MN1: variants seen among roughly 807,000 people sequenced by gnomAD.
MN1 encodes the protein MN1 proto-oncogene, transcriptional regulator, also known as transcriptional activator MN1.
A neutral mutation model predicts 86.9 loss-of-function variants in MN1; 19 were observed. The ratio of observed to expected loss-of-function variants is 0.22; its 90% CI spans 0.15 to 0.32. The LOEUF (loss-of-function observed/expected upper bound fraction) is 0.32. Ranked by LOEUF, MN1 falls within the 10% of genes least tolerant of loss-of-function variation. The probability of loss-of-function intolerance (pLI) is 1.00; values close to 1 mark genes in which losing one functional copy is unlikely to be tolerated. For missense variants in MN1, 1,841 were observed against 1,862.0 expected (o/e 0.99, Z 0.21); for synonymous variants, 928 against 849.6 (o/e 1.09, Z -1.60).
Position 27,750,762 on chromosome 22 carries a change from A to G in MN1, c.*153T>C. On this transcript the variant is annotated 3_prime_UTR_variant, in exon 2 of 2. Coordinates refer to ENST00000302326, the MANE Select transcript of MN1 (RefSeq NM_002430.3). ...AACCCTTTCCGGTCCATATGCCACT[A>G]AGCAGGTACCAACCTAGAGAAAAAA... The G allele has an allele frequency of 1.7e-6, 1 of 586,958 alleles. No homozygotes were observed. Among genetic ancestry groups the G allele is most frequent in the Admixed American group, 3.9e-5 (1 of 25,960 alleles). The allele number at this position is 586,958 out of a possible 1,614,324, so 36.4% of individuals were successfully genotyped here.
intron 1 of MN1, among the ~76,000 whole-genome samples, chr22:27,779,514 G>C (rs1412750990): frequency 6.6e-6 from 1 of 152,158 alleles, no homozygotes; most frequent in Non-Finnish European, 1.5e-5. Flanking sequence ...CTGTTGGTAG[G>C]AAATACAGCT....
chr22:27,761,230 T>A (rs1387174776), intron 1 of MN1, among the ~76,000 whole-genome samples: 1 of 151,236 alleles, frequency 6.6e-6, no homozygotes, highest in Non-Finnish European at 1.5e-5. Context: ...TTTCTCTCTC[T>A]CTCTCCCTCA....
At chr22:27,756,380 C>T (rs951620707) in intron 1 of MN1, among the ~76,000 whole-genome samples, 3 of 152,038 alleles carry the variant, frequency 2.0e-5, no homozygotes, top group East Asian at 1.9e-4. Flanking sequence ...CGTCGTGAGC[C>T]GGGCGGAGGT....
intron 1 of MN1, among the ~76,000 whole-genome samples, chr22:27,796,251 C>CT (rs1157361879): frequency 2.6e-5 from 4 of 152,016 alleles, no homozygotes; most frequent in African/African-American, 9.7e-5. Flanking sequence ...GGGCTGGTAA[C>CT]TTTTTTTTCC....
At chr22:27,753,219 A>G (rs754793481) in intron 1 of MN1, among the ~76,000 whole-genome samples, 1 of 152,134 alleles carries the variant, frequency 6.6e-6, no homozygotes, top group Admixed American at 6.6e-5. Flanking sequence ...TACAAACCCT[A>G]TGGATCTAGC....
chr22:27,765,693 G>A (rs1460364457), intron 1 of MN1, among the ~76,000 whole-genome samples: 14 of 152,308 alleles, frequency 9.2e-5, no homozygotes, highest in Non-Finnish European at 1.5e-4. Flanking sequence ...GCACTGACCC[G>A]GGTCTGGCCC....
rs751102512 is a variant in MN1, at chr22:27,799,674, G to C, written c.870C>G (p.Ala290=). 4 of 1,551,918 alleles carry C rather than the reference G, an allele frequency of 2.6e-6. No homozygotes were observed. In the African/African-American group the frequency reaches 4.1e-5, roughly 16 times the overall value. ...GCTGGGGCTGCTGCTGCGGTGGCTG[G>C]GCGTGCATTTTGGACAAGCCCACCA... The part of the protein sequence containing the change: ...AGMVGLSKMH[A]QPPQQQPQQQ... The change falls in exon 1 of 2, where the codon GCC becomes GCG. Residue 290 remains alanine, a synonymous_variant. Transcript: ENST00000302326.
In MN1 at chr22:27,750,896, A is replaced by C. The variant is rs1932757721; in HGVS notation, c.*19T>G. The C allele has an allele frequency of 6.4e-7, 1 of 1,562,212 alleles. No homozygotes were observed. Among genetic ancestry groups the C allele is most frequent in the African/African-American group, 1.3e-5 (1 of 74,076 alleles). On this transcript the variant is annotated 3_prime_UTR_variant, in exon 2 of 2. Transcript: ENST00000302326. ...GGGGAGAGGAAGGGCCTGGTAGAGGAGGGGATCTTTCTTGTCATTCAAGTT... is the reference window on the plus strand; with the variant it reads ...GGGGAGAGGAAGGGCCTGGTAGAGGCGGGGATCTTTCTTGTCATTCAAGTT...
Position 27,750,228 on chromosome 22 carries a change from A to G in MN1, c.*687T>C, listed in dbSNP as rs1932751861. On this transcript the variant is annotated 3_prime_UTR_variant, in exon 2 of 2. Transcript: ENST00000302326. ...AGTGGAAGGGAACTGAAGGCTGAGC[A>G]CTGTGTTTGCAGGAATGAAAATATA... 1.3e-5 allele frequency: 3 copies of G among 231,286 alleles called. No homozygotes were observed. Among genetic ancestry groups the G allele is most frequent in the Non-Finnish European group, 2.6e-5 (3 of 116,836 alleles). 14.3% of individuals were successfully genotyped at this position (231,286 alleles called of 1,614,324 possible).
chr22:27,791,933 T>C (rs1206807498), intron 1 of MN1: 1 of 152,256 alleles, frequency 6.6e-6, no homozygotes, highest in Non-Finnish European at 1.5e-5. Flanking sequence ...AGTTGGCCCT[T>C]CCACAGTGGG....
intron 1 of MN1, among the ~76,000 whole-genome samples, chr22:27,780,732 G>A (rs1237616467): frequency 6.6e-6 from 1 of 152,026 alleles, no homozygotes; most frequent in Non-Finnish European, 1.5e-5. Context: ...CTAATTCTCT[G>A]CGTTCTTCTT....
intron 1 of MN1, among the ~76,000 whole-genome samples, chr22:27,777,891 A>G (rs1933000474): frequency 6.6e-6 from 1 of 151,512 alleles, no homozygotes; most frequent in Non-Finnish European, 1.5e-5. Context: ...AAAAAAAAAG[A>G]AAGAAAGAAA....
chr22:27,768,900 G>A (rs2066662825), intron 1 of MN1, among the ~76,000 whole-genome samples: 1 of 152,184 alleles, frequency 6.6e-6, no homozygotes, highest in African/African-American at 2.4e-5. Flanking sequence ...AGTGGATACT[G>A]TACAGGACAG....
chr22:27,797,373 G>A lies in MN1; in HGVS notation c.3171C>T (p.Asp1057=). The part of the protein sequence containing the change: ...DEVSTSYANE[D]EVSSSSDNPQ... ...GGTTGTCAGAGCTGGACGACACCTCGTCCTCATTGGCGTAGCTCGTGCTCA... is the reference window on the plus strand; with the variant it reads ...GGTTGTCAGAGCTGGACGACACCTCATCCTCATTGGCGTAGCTCGTGCTCA... The change falls in exon 1 of 2, where the codon GAC becomes GAT. Residue 1057 remains aspartate (D), a synonymous_variant. Coordinates refer to ENST00000302326, the MANE Select transcript of MN1 (RefSeq NM_002430.3). 1 of 1,610,904 alleles carries A rather than the reference G, an allele frequency of 6.2e-7. No individual in the cohort carries two copies. The highest frequency in any genetic ancestry group is 8.5e-7 in the Non-Finnish European group (1 of 1,179,918).
rs749454086 is a variant in MN1, at chr22:27,797,493, G to C, written c.3051C>G (p.Leu1017=). ...SPSWGKGAEL[L]LGDQPDLIGS... ...CAATGAGGTCCGGCTGATCCCCCAG[G>C]AGCAACTCAGCCCCCTTCCCCCAGG... Residue 1017 remains leucine, a synonymous_variant, in exon 1 of 2, where the codon CTC becomes CTG. Transcript: ENST00000302326. 24 of 1,601,314 alleles carry C rather than the reference G, an allele frequency of 1.5e-5. No homozygotes were observed. The highest frequency in any genetic ancestry group is 1.4e-5 in the Non-Finnish European group (17 of 1,174,060).
intron 1 of MN1, among the ~76,000 whole-genome samples, chr22:27,767,475 C>A (rs559229611): frequency 6.6e-6 from 1 of 152,228 alleles, no homozygotes; most frequent in African/African-American, 2.4e-5. Context: ...TTATTTTAGA[C>A]CCTACTGGTG....
In MN1 at chr22:27,798,250, G is replaced by C; in HGVS notation, c.2294C>G (p.Ser765Trp). 6.6e-7 allele frequency: 1 copy of C among 1,517,668 alleles called. No homozygotes were observed. The highest frequency in any genetic ancestry group is 8.7e-7 in the Non-Finnish European group (1 of 1,143,416). The allele number at this position is 1,517,668 out of a possible 1,614,324, so 94.0% of individuals were successfully genotyped here. A position where few individuals can be genotyped will look rare whatever the true frequency, so the allele number is the denominator to read the frequency against. ...ACCGCCCCCTCCCGCGCTGGGGGGC[G>C]AGTTCACGCCTGGACCGCTGTGCGG... is the stretch of plus-strand genomic sequence containing the variant. Reference protein sequence around the residue: ...STPHSGPGVNSPPSAGGGGGS... With the variant: ...STPHSGPGVNWPPSAGGGGGS... The change falls in exon 1 of 2, where the codon TCG becomes TGG. Residue 765 changes from serine (S) to tryptophan (W), a missense_variant. Physicochemically the swap from Ser to Trp is radical, Grantham distance 177. Coordinates refer to ENST00000302326, the MANE Select transcript of MN1 (RefSeq NM_002430.3).
At chr22:27,796,055 A>G (rs951185938) in intron 1 of MN1, among the ~76,000 whole-genome samples, 1 of 147,726 alleles carries the variant, frequency 6.8e-6, no homozygotes, top group Admixed American at 6.8e-5. Flanking sequence ...CCACCCCAGC[A>G]CTCCCCCTCC....
intron 1 of MN1, among the ~76,000 whole-genome samples, chr22:27,789,586 C>A (rs1933184246): frequency 6.6e-6 from 1 of 152,218 alleles, no homozygotes; most frequent in African/African-American, 2.4e-5. Context: ...TGATTTCCCT[C>A]AACAATGTGA....
Sources: allele counts gnomAD v4.1 joint callset (sites outside exome capture counted in the v4.1 genomes callset), GRCh38; gene constraint gnomAD v4.1.1; transcripts MANE v1.5; gene names NCBI Gene and HGNC (gene_info 2026-07-23, HGNC 2026-07-21).